The following TSHZ3 variants were observed in gnomAD, a reference collection of about 807,000 sequenced individuals.
TSHZ3 encodes teashirt homolog 3.
TSHZ3 carries 10 observed loss-of-function variants against 64.5 expected under a neutral mutation model. The observed-to-expected ratio is 0.16, with a 90% CI of 0.10 to 0.26. The LOEUF (loss-of-function observed/expected upper bound fraction) is 0.26, where lower values mean the gene tolerates loss of function less well. Among genes scored for constraint, TSHZ3 ranks in the 10% least tolerant of loss-of-function variants. The pLI is 1.00. For missense variants in TSHZ3, 1,242 were observed against 1,421.7 expected (o/e 0.87, Z 2.03); for synonymous variants, 608 against 593.1 (o/e 1.03, Z -0.36).
At chr19:31,251,116 C>T (rs978850757) in intron 1 of TSHZ3, among the ~76,000 whole-genome samples, 6 of 152,132 alleles carry the variant, frequency 3.9e-5, no homozygotes, top group African/African-American at 1.4e-4. Flanking sequence ...GCCTTGGAAG[C>T]CTTCCAGAAA....
intron 5 of TSHZ3, among the ~76,000 whole-genome samples, chr19:31,177,660 A>G (rs1176250856): frequency 6.6e-6 from 1 of 152,228 alleles, no homozygotes; most frequent in Non-Finnish European, 1.5e-5. Context: ...TTGCTGTAAA[A>G]TGTAACAGTC....
intron 1 of TSHZ3, among the ~76,000 whole-genome samples, chr19:31,345,162 T>C (rs1342135997): frequency 6.6e-6 from 1 of 152,214 alleles, no homozygotes; most frequent in African/African-American, 2.4e-5. Flanking sequence ...TTTTAGAATT[T>C]GCATTGTTGC....
chr19:31,177,983 T>C lies in TSHZ3; in HGVS notation n.810-21566A>G, dbSNP rs759801616. ...ACTTTTGTAATCAAACACCACGGAC[T>C]GGGCATTGGTGGCTGCAAGTGTAGA... On this transcript the variant is annotated intron_variant and non_coding_transcript_variant, in intron 5 of 6. Transcript: ENST00000651361. Among the ~76,000 whole-genome samples the C allele has an allele frequency of 2.4e-3, 371 of 152,272 alleles. 2 individuals carry two copies. The highest frequency in any genetic ancestry group is 3.5e-3 in the Non-Finnish European group (240 of 68,018).
intron 1 of TSHZ3, among the ~76,000 whole-genome samples, chr19:31,259,181 CT>C (rs1487193236): frequency 6.6e-6 from 1 of 152,178 alleles, no homozygotes. Context: ...AATAAATGAT[CT>C]GACAAAATCA....
chr19:31,182,573 A>G (rs565502588), intron 5 of TSHZ3, among the ~76,000 whole-genome samples: 1 of 152,196 alleles, frequency 6.6e-6, no homozygotes, highest in African/African-American at 2.4e-5. Flanking sequence ...AAGTGCTTCT[A>G]AGGAAAGCAG....
At chr19:31,187,311 A>G (rs890484145) in intron 5 of TSHZ3, among the ~76,000 whole-genome samples, 1 of 152,140 alleles carries the variant, frequency 6.6e-6, no homozygotes, top group African/African-American at 2.4e-5. Context: ...AGCATCTCTG[A>G]GATTTTTCCA....
chr19:31,346,211 G>A (rs1457825061), intron 1 of TSHZ3, among the ~76,000 whole-genome samples: 4 of 152,110 alleles, frequency 2.6e-5, no homozygotes, highest in Non-Finnish European at 5.9e-5. Context: ...ACGTCTGCTC[G>A]CCCTACCCAG....
intron 5 of TSHZ3, among the ~76,000 whole-genome samples, chr19:31,194,423 TA>T (rs1343978763): frequency 6.6e-6 from 1 of 152,168 alleles, no homozygotes; most frequent in Non-Finnish European, 1.5e-5. Flanking sequence ...TATCAGAACT[TA>T]TCTCACCTGG....
chr19:31,311,519 G>A (rs1916459402), intron 1 of TSHZ3, among the ~76,000 whole-genome samples: 2 of 152,102 alleles, frequency 1.3e-5, no homozygotes, highest in East Asian at 1.9e-4. Context: ...TTGGTCCTAC[G>A]GAGTCCTCCA....
intron 5 of TSHZ3, among the ~76,000 whole-genome samples, chr19:31,158,908 G>A (rs151253939): frequency 1.1e-3 from 175 of 152,318 alleles, no homozygotes; most frequent in African/African-American, 3.9e-3. Context: ...AGTAATGCAA[G>A]CAATGGGGAG....
chr19:31,227,949 G>T (rs1013460013), intron 4 of TSHZ3, among the ~76,000 whole-genome samples: 1 of 152,024 alleles, frequency 6.6e-6, no homozygotes, highest in African/African-American at 2.4e-5. Flanking sequence ...GTAAACTCTG[G>T]TTCCTTCCCT....
chr19:31,300,681 C>T (rs1976740650), intron 1 of TSHZ3, among the ~76,000 whole-genome samples: 1 of 152,120 alleles, frequency 6.6e-6, no homozygotes, highest in Admixed American at 6.5e-5. Flanking sequence ...CCCCACAAGC[C>T]TGGGGTCAGG....
chr19:31,218,013 A>G (rs1568351256), intron 4 of TSHZ3, among the ~76,000 whole-genome samples: 1 of 152,264 alleles, frequency 6.6e-6, no homozygotes, highest in East Asian at 1.9e-4. Flanking sequence ...ATCCAACACC[A>G]AAGGCACATT....
At chr19:31,207,849 A>G (rs1307445722) in intron 4 of TSHZ3, among the ~76,000 whole-genome samples, 1 of 152,206 alleles carries the variant, frequency 6.6e-6, no homozygotes, top group Non-Finnish European at 1.5e-5. Context: ...CCTTTGAATG[A>G]TACCTGATTA....
chr19:31,283,918 T>A (rs1187336214), intron 1 of TSHZ3, among the ~76,000 whole-genome samples: 1 of 152,016 alleles, frequency 6.6e-6, no homozygotes, highest in African/African-American at 2.4e-5. Context: ...TGGTGAGAAG[T>A]CAACAGGGGT....
chr19:31,218,086 G>C (rs1191385165), intron 4 of TSHZ3, among the ~76,000 whole-genome samples: 1 of 152,176 alleles, frequency 6.6e-6, no homozygotes, highest in East Asian at 1.9e-4. Context: ...CTCTGTGAAA[G>C]ACACTGCCAA....
intron 1 of TSHZ3, among the ~76,000 whole-genome samples, chr19:31,320,523 GGAT>G (rs1916737860): frequency 3.3e-5 from 5 of 152,118 alleles, no homozygotes; most frequent in Admixed American, 3.3e-4. Context: ...CACCTGCGAG[GGAT>G]GATAACTGCA....
At chr19:31,168,984 T>C (rs568231277) in intron 5 of TSHZ3, among the ~76,000 whole-genome samples, 1 of 152,056 alleles carries the variant, frequency 6.6e-6, no homozygotes, top group Non-Finnish European at 1.5e-5. Flanking sequence ...AGAAGACATA[T>C]TGAAAAATTA....
chr19:31,200,687 C>T (rs774198489), intron 5 of TSHZ3, among the ~76,000 whole-genome samples: 2 of 152,104 alleles, frequency 1.3e-5, no homozygotes, highest in African/African-American at 2.4e-5. Flanking sequence ...CTATAGAACA[C>T]GCAATACCAA....
Sources: gnomAD v4.1 joint callset for allele counts (sites outside exome capture counted in the v4.1 genomes callset) on GRCh38, gnomAD v4.1.1 for gene constraint, MANE v1.5 for transcripts, NCBI Gene and HGNC (gene_info 2026-07-23, HGNC 2026-07-21) for gene names.